Variants in RAPGEF4 observed in about 807,000 individuals in gnomAD.
The protein encoded by RAPGEF4 is Rap guanine nucleotide exchange factor 4.
A neutral mutation model predicts 147.9 loss-of-function variants in RAPGEF4; 66 were observed. The observed-to-expected ratio is 0.45, with a 90% confidence interval of 0.37 to 0.55. The LOEUF is 0.55. Ranked by LOEUF, RAPGEF4 falls within the 20% of genes least tolerant of loss-of-function variation. The pLI is 0.00. For synonymous variants in RAPGEF4, 419 were observed against 442.7 expected, an observed-to-expected ratio of 0.95 and a Z score of 0.67; for missense variants, 1,071 against 1,257.3, an observed-to-expected ratio of 0.85 and a Z score of 2.24.
intron 4 of RAPGEF4, among the ~76,000 whole-genome samples, chr2:172,842,122 G>C (rs549048727): frequency 7.2e-5 from 11 of 152,098 alleles, no homozygotes; most frequent in African/African-American, 1.2e-4. Flanking sequence ...GTGGGGAAAG[G>C]GTTCTTAAGA....
At chr2:172,875,094 G>T (rs2149826301) in intron 4 of RAPGEF4, among the ~76,000 whole-genome samples, 1 of 152,208 alleles carries the variant, frequency 6.6e-6, no homozygotes, top group African/African-American at 2.4e-5. Context: ...TGATGGGGTT[G>T]TTTGTTTTTT....
chr2:173,049,203 T>C (rs1685881538), intron 30 of RAPGEF4, among the ~76,000 whole-genome samples: 2 of 152,224 alleles, frequency 1.3e-5, no homozygotes, highest in African/African-American at 4.8e-5. Flanking sequence ...AATCTGAACA[T>C]CTATCACAAG....
chr2:172,882,003 C>T (rs1483978381), intron 4 of RAPGEF4, among the ~76,000 whole-genome samples: 1 of 152,104 alleles, frequency 6.6e-6, no homozygotes. Flanking sequence ...TAACAATAAG[C>T]TCTTTTAGAC....
intron 10 of RAPGEF4, among the ~76,000 whole-genome samples, chr2:172,976,949 A>G (rs928295851): frequency 1.3e-5 from 2 of 152,196 alleles, no homozygotes; most frequent in Admixed American, 1.3e-4. Context: ...TGCAGAAACT[A>G]GGCCTTTCCA....
chr2:172,891,566 C>A (rs1224942845), intron 4 of RAPGEF4, among the ~76,000 whole-genome samples: 1 of 152,122 alleles, frequency 6.6e-6, no homozygotes, highest in Non-Finnish European at 1.5e-5. Context: ...TTCTAAGAAA[C>A]AAAGAGTCAA....
chr2:173,008,873 C>T (rs930155769), intron 17 of RAPGEF4, among the ~76,000 whole-genome samples: 2 of 152,112 alleles, frequency 1.3e-5, no homozygotes, highest in East Asian at 1.9e-4. Flanking sequence ...AGTGTTTGAA[C>T]GGCAGAGCCG....
At chr2:173,049,358 G>T (rs1038507728) in intron 30 of RAPGEF4, among the ~76,000 whole-genome samples, 6 of 152,128 alleles carry the variant, frequency 3.9e-5, no homozygotes, top group South Asian at 2.1e-4. Flanking sequence ...TGGTGGTGGG[G>T]GTGGAGCTTT....
intron 4 of RAPGEF4, among the ~76,000 whole-genome samples, chr2:172,841,031 G>T (rs966488446): frequency 6.6e-6 from 1 of 152,222 alleles, no homozygotes; most frequent in African/African-American, 2.4e-5. Flanking sequence ...ACTATTTTGA[G>T]ATCCTGATGA....
chr2:172,849,251 A>G (rs1692555767), intron 4 of RAPGEF4, among the ~76,000 whole-genome samples: 1 of 152,236 alleles, frequency 6.6e-6, no homozygotes, highest in Admixed American at 6.5e-5. Flanking sequence ...ATAAAAAACA[A>G]TATGACAGAA....
chr2:172,961,289 C>T, intron 8 of RAPGEF4, 61 bp downstream of exon 8: 2 of 1,311,000 alleles, frequency 1.5e-6, no homozygotes, highest in Non-Finnish European at 2.2e-6. Context: ...GAAAATGGAA[C>T]AAAAATGCTT....
rs550434053 is a variant in RAPGEF4, at chr2:172,760,027, C to A, written c.65+23979C>A. Among the ~76,000 whole-genome samples the A allele has an allele frequency of 5.3e-5, 8 of 152,288 alleles. No homozygotes were observed. The South Asian group carries it at 8.3e-4, about 16-fold the overall frequency. ...GGATATTGACAGCTACCCAGAAACA[C>A]CAATGGGCACAGACAAAAAAATGCC... On this transcript the variant is annotated intron_variant, in intron 1 of 30. Transcript: ENST00000397081.
chr2:172,833,656 C>G (rs767123814), intron 4 of RAPGEF4, among the ~76,000 whole-genome samples: 1 of 152,134 alleles, frequency 6.6e-6, no homozygotes, highest in African/African-American at 2.4e-5. Flanking sequence ...TATAAGAACA[C>G]TTTGTAAATT....
At chr2:172,817,974 A>G (rs533631550) in intron 4 of RAPGEF4, among the ~76,000 whole-genome samples, 57 of 148,614 alleles carry the variant, frequency 3.8e-4, no homozygotes, top group Non-Finnish European at 7.3e-4. Flanking sequence ...ATATATATAT[A>G]TACACACACA....
At chr2:172,934,784 A>G (rs544956813) in intron 6 of RAPGEF4, among the ~76,000 whole-genome samples, 1 of 151,984 alleles carries the variant, frequency 6.6e-6, no homozygotes, top group Non-Finnish European at 1.5e-5. Flanking sequence ...CCCTACCCCA[A>G]CATTCTCCCT....
chr2:172,756,681 G>A (rs2149455363), intron 1 of RAPGEF4, among the ~76,000 whole-genome samples: 1 of 152,210 alleles, frequency 6.6e-6, no homozygotes, highest in Non-Finnish European at 1.5e-5. Context: ...AGGATGGTAG[G>A]GCACTGCACC....
intron 4 of RAPGEF4, among the ~76,000 whole-genome samples, chr2:172,911,648 G>A (rs980048049): frequency 6.6e-6 from 1 of 151,150 alleles, no homozygotes; most frequent in Non-Finnish European, 1.5e-5. Flanking sequence ...TAGTAGAGAC[G>A]AGGTTTCACC....
At chr2:173,036,766 T>G in intron 29 of RAPGEF4, 74 bp downstream of exon 29, 1 of 1,057,296 alleles carries the variant, frequency 9.5e-7, no homozygotes. Context: ...ATAAAGGAAA[T>G]AATTTCCATA....
intron 18 of RAPGEF4, among the ~76,000 whole-genome samples, chr2:173,015,382 A>G (rs1045531754): frequency 1.3e-5 from 2 of 152,344 alleles, no homozygotes; most frequent in Non-Finnish European, 2.9e-5. Flanking sequence ...ACTTCTGTTC[A>G]GGCAAAAGGC....
chr2:172,816,562 CT>C (rs1688527376), intron 4 of RAPGEF4, among the ~76,000 whole-genome samples: 1 of 152,144 alleles, frequency 6.6e-6, no homozygotes. Flanking sequence ...ATCAGAGTAC[CT>C]TTTAGGACTG....
Sources: allele counts gnomAD v4.1 joint callset (sites outside exome capture counted in the v4.1 genomes callset), GRCh38; gene constraint gnomAD v4.1.1; transcripts MANE v1.5; gene names NCBI Gene and HGNC (gene_info 2026-07-23, HGNC 2026-07-21).